CCDC102A: variants seen among roughly 807,000 people sequenced by gnomAD.
CCDC102A encodes the protein coiled-coil domain containing 102A.
Under a neutral mutation model 55.5 loss-of-function variants are expected in CCDC102A, and 40 were observed. The ratio of observed to expected loss-of-function variants is 0.72; its 90% CI spans 0.56 to 0.94. CCDC102A has a LOEUF of 0.94. Ranked by LOEUF, CCDC102A falls within the 40% of genes least tolerant of loss-of-function variation. CCDC102A has a pLI of 0.00. For synonymous variants in CCDC102A, 323 were observed against 339.0 expected (o/e 0.95, Z 0.52); for missense variants, 779 against 768.6 (o/e 1.01, Z -0.16).
chr16:57,531,557 G>A (rs11862192), intron 1 of CCDC102A, among the ~76,000 whole-genome samples: 128,195 of 152,016 alleles, frequency 0.84, 54,156 homozygotes, highest in East Asian at 0.99. Flanking sequence ...GTGAGTTCTT[G>A]TAAGAACCTG....
chr16:57,536,398 C>T (rs1460910635), intron 1 of CCDC102A, 102 bp downstream of exon 1: 2 of 152,320 alleles, frequency 1.3e-5, no homozygotes, highest in African/African-American at 4.8e-5. Flanking sequence ...CTCCAGCACG[C>T]CCCACAACTT....
At chr16:57,519,771 G>A (rs955896225) in intron 4 of CCDC102A, among the ~76,000 whole-genome samples, 1 of 152,236 alleles carries the variant, frequency 6.6e-6, no homozygotes, top group East Asian at 1.9e-4. Flanking sequence ...TGATTCAGGA[G>A]GGTGGAGGCG....
rs2032044348 is a variant in CCDC102A at position 57,521,134 on chromosome 16, C to T, written c.855G>A (p.Gly285=). 1.2e-6 allele frequency: 2 copies of T among 1,613,510 alleles called. No individual in the cohort carries two copies. The highest frequency in any genetic ancestry group is 1.3e-5 in the African/African-American group (1 of 74,852). The part of the protein sequence containing the change: ...ALSRNIEKLE[G]ELSQWKIKYE... ...ACTTGATCTTCCACTGGCTGAGCTC[C>T]CCCTCTAGCTTCTCAATGTTCCTGC... Residue 285 remains glycine (G), a synonymous_variant, in exon 4 of 9, where the codon GGG becomes GGA. Coordinates refer to ENST00000258214, the MANE Select transcript of CCDC102A (RefSeq NM_033212.4).
rs1185292785 is a variant in CCDC102A at position 57,528,632 on chromosome 16, T to C, written c.546A>G (p.Pro182=). The C allele has an allele frequency of 2.4e-6, 3 of 1,232,140 alleles. No homozygotes were observed. Among genetic ancestry groups the C allele is most frequent in the African/African-American group, 1.6e-5 (1 of 60,608 alleles). 76.3% of individuals were successfully genotyped at this position (1,232,140 alleles called of 1,614,324 possible). The part of the protein sequence containing the change: ...DGPEPEAERE[P]VRDVGSERPP... ...GCCTCTCGGACCCGACGTCACGCAC[T>C]GGCTCGCGCTCCGCTTCCGGCTCGG... is the stretch of plus-strand genomic sequence containing the variant. The change falls in exon 2 of 9, where the codon CCA becomes CCG. Residue 182 remains proline, a synonymous_variant. Transcript: ENST00000258214.
intron 8 of CCDC102A, among the ~76,000 whole-genome samples, chr16:57,513,149 G>T (rs774173172): frequency 1.3e-5 from 2 of 152,226 alleles, no homozygotes; most frequent in African/African-American, 2.4e-5. Flanking sequence ...GAGCAGCTGG[G>T]CGGTTAGAGA....
rs2031936450 is a variant in CCDC102A, at chr16:57,515,372, G to C, written c.1492C>G (p.Leu498Val). The change falls in exon 8 of 9, where the codon CTG becomes GTG. Residue 498 changes from leucine (L) to valine (V), a missense_variant. Coordinates refer to ENST00000258214, the MANE Select transcript of CCDC102A (RefSeq NM_033212.4). Reference protein sequence around the residue: ...LDEQTEQSENLQVQLEHLQSR... With the variant: ...LDEQTEQSENVQVQLEHLQSR... Reference sequence around the variant, plus strand: ...TGCAGGTGCTCCAGTTGCACTTGCAGGTTCTCGCTCTGCTCCGTCTGCTCG... The same window carrying C: ...TGCAGGTGCTCCAGTTGCACTTGCACGTTCTCGCTCTGCTCCGTCTGCTCG... 10 of 1,607,896 alleles carry C rather than the reference G, an allele frequency of 6.2e-6. No individual in the cohort carries two copies. The highest frequency in any genetic ancestry group is 8.5e-6 in the Non-Finnish European group (10 of 1,177,996).
intron 3 of CCDC102A, among the ~76,000 whole-genome samples, chr16:57,525,282 G>T (rs1470984358): frequency 6.6e-6 from 1 of 152,078 alleles, no homozygotes; most frequent in Non-Finnish European, 1.5e-5. Flanking sequence ...TTTTGGTAGA[G>T]ATGGGGTTTC....
chr16:57,527,297 G>A (rs1373255995), intron 2 of CCDC102A, among the ~76,000 whole-genome samples: 1 of 152,144 alleles, frequency 6.6e-6, no homozygotes, highest in African/African-American at 2.4e-5. Context: ...CTCAGGAGAG[G>A]GTGCCCTCTG....
intron 2 of CCDC102A, among the ~76,000 whole-genome samples, chr16:57,527,815 G>C (rs555348300): frequency 6.6e-6 from 1 of 152,228 alleles, no homozygotes; most frequent in East Asian, 1.9e-4. Flanking sequence ...GCACATGCTC[G>C]GCTAAGTGCT....
intron 8 of CCDC102A, 88 bp from the exon 9 acceptor site, chr16:57,512,958 C>T: frequency 1.7e-6 from 2 of 1,149,752 alleles, no homozygotes; most frequent in Non-Finnish European, 2.5e-6. Flanking sequence ...AGCAGTTAAG[C>T]CTTCCCTGGT....
chr16:57,525,716 G>T (rs372687241), intron 3 of CCDC102A, among the ~76,000 whole-genome samples, 185 bp downstream of exon 3: 50 of 152,360 alleles, frequency 3.3e-4, no homozygotes, highest in Non-Finnish European at 3.8e-4. Context: ...GCCTGGTAAC[G>T]TATTATTTGA....
chr16:57,527,751 C>T (rs2032165918), intron 2 of CCDC102A, among the ~76,000 whole-genome samples: 1 of 152,184 alleles, frequency 6.6e-6, no homozygotes, highest in Non-Finnish European at 1.5e-5. Context: ...GCCTCAGGAT[C>T]CTCCCCATGG....
At position 57,528,918 on chromosome 16, in the gene CCDC102A, G is replaced by A. The variant is rs1417771812; in HGVS notation, c.260C>T (p.Ala87Val). The change falls in exon 2 of 9, where the codon GCG becomes GTG. Residue 87 changes from alanine (A) to valine (V), a missense_variant. By Grantham distance (64) the Ala-to-Val change is moderately conservative. Transcript: ENST00000258214. ...LRELEEARAR[A>V]AQMEKTMRRW... The stretch of plus-strand genomic sequence containing the variant: ...GCGCATGGTCTTCTCCATCTGCGCC[G>A]CCCGCGCCCGCGCCTCCTCCAGCTC... 2.9e-6 allele frequency: 4 copies of A among 1,398,286 alleles called. No individual in the cohort carries two copies. The highest frequency in any genetic ancestry group is 9.4e-7 in the Non-Finnish European group (1 of 1,066,356). The allele number at this position is 1,398,286 out of a possible 1,614,324, so 86.6% of individuals were successfully genotyped here.
rs2032209346 is a variant in CCDC102A at position 57,529,340 on chromosome 16, A to G, written c.-147-16T>C. On this transcript the variant is annotated splice_polypyrimidine_tract_variant and intron_variant, in intron 1 of 8. Coordinates refer to ENST00000258214, the MANE Select transcript of CCDC102A (RefSeq NM_033212.4). This position sits in a 1 kb window ranked among gnomAD's most constrained non-coding sequence, Gnocchi z 4.1. The stretch of plus-strand genomic sequence containing the variant: ...CTCCTCGGACCTACGGGAGAACACA[A>G]CCGTTATTGGACTGCGACCACCGTC... The G allele has an allele frequency of 3.0e-6, 3 of 988,016 alleles. No homozygotes were observed. The highest frequency in any genetic ancestry group is 1.7e-5 in the African/African-American group (1 of 57,164). 61.2% of individuals were successfully genotyped at this position (988,016 alleles called of 1,614,324 possible).
In CCDC102A at chr16:57,512,276, A is replaced by G; in HGVS notation, c.*465T>C. 1 of 397,372 alleles carries G rather than the reference A, an allele frequency of 2.5e-6. No individual in the cohort carries two copies. The highest frequency in any genetic ancestry group is 4.4e-6 in the Non-Finnish European group (1 of 225,792). The allele number at this position is 397,372 out of a possible 1,614,324, so 24.6% of individuals were successfully genotyped here. ...GCCGTCCCCCACAACCCCCGCCCACATCTGCCATACTTTCAGATGCCCCAA... is the reference window on the plus strand; with the variant it reads ...GCCGTCCCCCACAACCCCCGCCCACGTCTGCCATACTTTCAGATGCCCCAA... On this transcript the variant is annotated 3_prime_UTR_variant, in exon 9 of 9. Coordinates refer to ENST00000258214, the MANE Select transcript of CCDC102A (RefSeq NM_033212.4).
rs534525700 is a variant in CCDC102A at position 57,512,823 on chromosome 16, C to A, written c.1571G>T (p.Ser524Ile). The A allele has an allele frequency of 6.2e-7, 1 of 1,614,126 alleles. No homozygotes were observed. Among genetic ancestry groups the A allele is most frequent in the South Asian group, 1.1e-5 (1 of 91,070 alleles). The change falls in exon 9 of 9, where the codon AGT becomes ATT. Residue 524 changes from serine (S) to isoleucine (I), a missense_variant. Physicochemically the swap from Ser to Ile is moderately radical, Grantham distance 142. Coordinates refer to ENST00000258214, the MANE Select transcript of CCDC102A (RefSeq NM_033212.4). ...GGCCTCCTCGGTGCCAAAGCGAGCA[C>A]TGCGGATCTTCCCGAAGAGGGGAGC... ...QNAPLFGKIR[S>I]ARFGTEEAED... is the part of the protein sequence containing the mutation.
At chr16:57,535,016 C>T (rs929011001) in intron 1 of CCDC102A, among the ~76,000 whole-genome samples, 5 of 152,226 alleles carry the variant, frequency 3.3e-5, no homozygotes, top group Non-Finnish European at 5.9e-5. Flanking sequence ...ACCCCTTCCC[C>T]GGCTCTGAAA....
rs75001283 is a variant in CCDC102A at position 57,515,243 on chromosome 16, C to T, written c.1523+98G>A. 7,456 of 771,178 alleles carry T rather than the reference C, an allele frequency of 9.7e-3. 412 individuals are homozygous for T. In the African/African-American group the frequency reaches 0.11, roughly 12 times the overall value. The allele number at this position is 771,178 out of a possible 1,614,324, so 47.8% of individuals were successfully genotyped here. On this transcript the variant is annotated intron_variant, in intron 8 of 8. Coordinates refer to ENST00000258214, the MANE Select transcript of CCDC102A (RefSeq NM_033212.4). The stretch of plus-strand genomic sequence containing the variant: ...CTCCAGGCACCTGGATCTCTTCCTT[C>T]GTCTCCCCCTCCAGCCTTGGTTTGG...
intron 1 of CCDC102A, among the ~76,000 whole-genome samples, chr16:57,536,228 G>C (rs1014494452): frequency 1.4e-5 from 2 of 141,300 alleles, no homozygotes; most frequent in African/African-American, 5.1e-5. Context: ...CGTCCGGCCC[G>C]GGCCGCGGCA....
Sources: allele counts gnomAD v4.1 joint callset (sites outside exome capture counted in the v4.1 genomes callset), GRCh38; gene constraint gnomAD v4.1.1; non-coding constraint Gnocchi (gnomAD v3.1); transcripts MANE v1.5; gene names NCBI Gene and HGNC (gene_info 2026-07-23, HGNC 2026-07-21).